ATP6V1C2: variants seen among roughly 807,000 people sequenced by gnomAD.
The protein encoded by ATP6V1C2 is V-type proton ATPase subunit C 2.
A neutral mutation model predicts 56.8 loss-of-function variants in ATP6V1C2; 45 were observed. The observed-to-expected ratio is 0.79, with a 90% CI of 0.62 to 1.02. ATP6V1C2 has a LOEUF of 1.02. ATP6V1C2 is among the 50% of genes least tolerant of loss of function. ATP6V1C2 has a pLI of 0.00. For missense variants in ATP6V1C2, 463 were observed against 519.7 expected (o/e 0.89, Z 1.06); for synonymous variants, 220 against 201.3 (o/e 1.09, Z -0.79).
chr2:10,778,208 T>C (rs1665122542), intron 11 of ATP6V1C2, among the ~76,000 whole-genome samples: 1 of 152,196 alleles, frequency 6.6e-6, no homozygotes, highest in African/African-American at 2.4e-5. Flanking sequence ...CTGTGGATGA[T>C]GCCAGGACCC....
intron 3 of ATP6V1C2, among the ~76,000 whole-genome samples, chr2:10,745,050 T>C (rs1285496918): frequency 6.7e-6 from 1 of 148,230 alleles, no homozygotes; most frequent in African/African-American, 2.5e-5. Flanking sequence ...TCTTTTTTTT[T>C]TTTTTTTTTC....
chr2:10,777,663 C>G lies in ATP6V1C2; in HGVS notation c.904C>G (p.Pro302Ala). The G allele has an allele frequency of 6.2e-7, 1 of 1,614,118 alleles. No homozygotes were observed. The highest frequency in any genetic ancestry group is 8.5e-7 in the Non-Finnish European group (1 of 1,180,012). The change falls in exon 11 of 14, where the codon CCT becomes GCT. Residue 302 changes from proline to alanine, a missense_variant. Pro to Ala is a conservative substitution (Grantham distance 27). Coordinates refer to ENST00000272238, the MANE Select transcript of ATP6V1C2 (RefSeq NM_001039362.2). Reference sequence around the variant, plus strand: ...GGTTAAGGTAACCCCGCTAGGTAACCCTGATAGGCCTGCTGCGGGGCAGAC... The same window carrying G: ...GGTTAAGGTAACCCCGCTAGGTAACGCTGATAGGCCTGCTGCGGGGCAGAC... The part of the protein sequence containing the change: ...HKVKVTPLGN[P>A]DRPAAGQTDR...
At chr2:10,728,774 CAAAA>C (rs370117201) in intron 3 of ATP6V1C2, among the ~76,000 whole-genome samples, 21 of 74,248 alleles carry the variant, frequency 2.8e-4, no homozygotes, top group African/African-American at 5.5e-4. Context: ...CACCCTGTCT[CAAAA>C]AAAAAAAAAA....
intron 3 of ATP6V1C2, among the ~76,000 whole-genome samples, chr2:10,749,422 A>T (rs35117489): frequency 0.028 from 4,306 of 152,290 alleles, 199 homozygotes; most frequent in African/African-American, 0.099. Flanking sequence ...ATAGCCTTTT[A>T]TAGAGTCAAA....
intron 6 of ATP6V1C2, among the ~76,000 whole-genome samples, chr2:10,770,364 C>T (rs1242075388): frequency 6.6e-6 from 1 of 152,234 alleles, no homozygotes; most frequent in Non-Finnish European, 1.5e-5. Context: ...CGCCACTGCA[C>T]TCCAGCCTGG....
In ATP6V1C2 at chr2:10,721,719, C is replaced by G. The variant is rs1188245681; in HGVS notation, c.-39C>G. On this transcript the variant is annotated 5_prime_UTR_variant, in exon 1 of 14. Coordinates refer to ENST00000272238, the MANE Select transcript of ATP6V1C2 (RefSeq NM_001039362.2). ...AGCCCCCTACCGCGCGGCCCGCGCC[C>G]CGCCGGCTCCCGGTAAGGACGCACC... 6.6e-6 allele frequency: 1 copy of G among 151,926 alleles called. No individual in the cohort carries two copies. The highest frequency in any genetic ancestry group is 1.5e-5 in the Non-Finnish European group (1 of 67,906). The allele number at this position is 151,926 out of a possible 1,614,324, so 9.4% of individuals were successfully genotyped here.
chr2:10,761,790 C>T (rs1459718232), intron 4 of ATP6V1C2, among the ~76,000 whole-genome samples: 2 of 152,222 alleles, frequency 1.3e-5, no homozygotes, highest in African/African-American at 4.8e-5. Context: ...ATCAGGGCCC[C>T]ACCCTTAGTG....
intron 10 of ATP6V1C2, among the ~76,000 whole-genome samples, chr2:10,775,697 T>C (rs1664920191): frequency 6.6e-6 from 1 of 152,048 alleles, no homozygotes; most frequent in South Asian, 2.1e-4. Flanking sequence ...GCAGGAGAGC[T>C]TTGGGAAGGT....
chr2:10,778,743 C>T (rs1184290412), intron 12 of ATP6V1C2, 74 bp downstream of exon 12: 6 of 1,380,192 alleles, frequency 4.3e-6, no homozygotes, highest in African/African-American at 1.4e-5. Context: ...CGGGGCACCC[C>T]AGCTCCTGCC....
intron 6 of ATP6V1C2, among the ~76,000 whole-genome samples, chr2:10,771,413 C>A (rs1168895620): frequency 6.6e-6 from 1 of 152,206 alleles, no homozygotes; most frequent in Non-Finnish European, 1.5e-5. Flanking sequence ...TGACACGGAG[C>A]TCTATCGAGG....
intron 4 of ATP6V1C2, among the ~76,000 whole-genome samples, chr2:10,761,257 C>T (rs1313302272): frequency 6.6e-6 from 1 of 152,092 alleles, no homozygotes; most frequent in East Asian, 1.9e-4. Context: ...GCACACACCG[C>T]CCTGTCATCT....
At chr2:10,778,433 G>A in intron 11 of ATP6V1C2, 139 bp from the exon 12 acceptor site, 1 of 760,756 alleles carries the variant, frequency 1.3e-6, no homozygotes, top group East Asian at 2.7e-5. Context: ...CCCAGGGCTG[G>A]TCTGACCGAC....
At chr2:10,773,108 T>G (rs961827611) in intron 8 of ATP6V1C2, among the ~76,000 whole-genome samples, 4 of 152,156 alleles carry the variant, frequency 2.6e-5, no homozygotes, top group African/African-American at 9.7e-5. Context: ...CACGGGACAC[T>G]GCATGGCGGG....
At chr2:10,781,771 A>G (rs546936946) in intron 12 of ATP6V1C2, among the ~76,000 whole-genome samples, 4 of 152,354 alleles carry the variant, frequency 2.6e-5, no homozygotes, top group Admixed American at 6.5e-5. Context: ...TCATCCCAAC[A>G]ACTGGTTTTA....
chr2:10,776,674 G>T (rs954852427), intron 10 of ATP6V1C2, among the ~76,000 whole-genome samples: 1 of 152,222 alleles, frequency 6.6e-6, no homozygotes, highest in Non-Finnish European at 1.5e-5. Flanking sequence ...CTAGACCGTG[G>T]CAGCCTCCAC....
At chr2:10,774,293 C>T (rs1664816269) in intron 8 of ATP6V1C2, among the ~76,000 whole-genome samples, 1 of 152,244 alleles carries the variant, frequency 6.6e-6, no homozygotes, top group Non-Finnish European at 1.5e-5. Context: ...TGCTTAGACT[C>T]CTGGCCCCAA....
chr2:10,730,233 A>T (rs1056221693), intron 3 of ATP6V1C2, among the ~76,000 whole-genome samples: 7 of 152,202 alleles, frequency 4.6e-5, no homozygotes, highest in African/African-American at 1.7e-4. Flanking sequence ...CTCCTGCTTC[A>T]GTCTTCCAAG....
chr2:10,777,501 C>A (rs181764017), intron 10 of ATP6V1C2, 84 bp from the exon 11 acceptor site: 8 of 1,537,298 alleles, frequency 5.2e-6, no homozygotes, highest in Non-Finnish European at 6.2e-6. Context: ...CTTGCTCTCG[C>A]GTGCCTTTCA....
intron 3 of ATP6V1C2, among the ~76,000 whole-genome samples, chr2:10,737,015 C>G (rs1443373739): frequency 1.3e-5 from 2 of 152,020 alleles, no homozygotes; most frequent in South Asian, 2.1e-4. Flanking sequence ...TCCCAAAGTG[C>G]TGGGTTTATA....
Sources: allele counts gnomAD v4.1 joint callset (sites outside exome capture counted in the v4.1 genomes callset), GRCh38; gene constraint gnomAD v4.1.1; transcripts MANE v1.5; gene names NCBI Gene and HGNC (gene_info 2026-07-23, HGNC 2026-07-21).